The following SORBS2 variants were observed in gnomAD, a reference collection of about 807,000 sequenced individuals.
The protein encoded by SORBS2 is sorbin and SH3 domain-containing protein 2.
In SORBS2, 46 loss-of-function variants were observed where a neutral mutation model predicts 97.7. That is an observed-to-expected ratio of 0.47 (90% CI 0.37 to 0.60). The LOEUF (loss-of-function observed/expected upper bound fraction) is 0.60, where lower values mean the gene tolerates loss of function less well. SORBS2 is among the 20% of genes least tolerant of loss of function. The pLI is 0.00. For synonymous variants in SORBS2, 476 were observed against 473.4 expected (o/e 1.01, Z -0.07); for missense variants, 1,316 against 1,282.3 (o/e 1.03, Z -0.40).
intron 1 of SORBS2, among the ~76,000 whole-genome samples, chr4:185,860,724 G>A (rs1347574044): frequency 6.6e-6 from 1 of 152,166 alleles, no homozygotes; most frequent in Admixed American, 6.5e-5. Context: ...GGAAAGGTGG[G>A]ACAACTCGAA....
chr4:185,876,371 G>A (rs1004665657), intron 1 of SORBS2, among the ~76,000 whole-genome samples: 3 of 152,112 alleles, frequency 2.0e-5, no homozygotes, highest in Non-Finnish European at 4.4e-5. Flanking sequence ...GTCTCCCAAA[G>A]TGCTGGGATT....
chr4:185,684,814 T>C lies in SORBS2; in HGVS notation c.-197-5992A>G. The stretch of plus-strand genomic sequence containing the variant: ...TTCACAGATGTTAGCGTAACAGACA[T>C]GGCGGCACGTTTGCGAGCACACCCA... On this transcript the variant is annotated intron_variant, in intron 2 of 20. Coordinates refer to the SORBS2 transcript ENST00000284776. The surrounding 1 kb of genome is among the most constrained non-coding windows in gnomAD (Gnocchi z 4.2). The C allele has an allele frequency of 6.4e-7, 1 of 1,551,958 alleles. No homozygotes were observed. Among genetic ancestry groups the C allele is most frequent in the Non-Finnish European group, 8.7e-7 (1 of 1,147,056 alleles).
In SORBS2 at chr4:185,623,310, G is replaced by T; in HGVS notation, c.1819C>A (p.Pro607Thr). The change falls in exon 7 of 15, where the codon CCT becomes ACT. Residue 607 changes from proline (P) to threonine (T), a missense_variant. Transcript: ENST00000418609. The surrounding 1 kb of genome is among the most constrained non-coding windows in gnomAD (Gnocchi z 6.4). The stretch of plus-strand genomic sequence containing the variant: ...TTTTTTTTCCTCCGGAAAGGCACAG[G>T]ACTGACTAGAAAAGCAAGTTTAGAA... The T allele has an allele frequency of 6.2e-7, 1 of 1,614,116 alleles. No homozygotes were observed. The highest frequency in any genetic ancestry group is 8.5e-7 in the Non-Finnish European group (1 of 1,180,034).
Position 185,626,847 on chromosome 4 carries a change from G to A in SORBS2, c.619C>T (p.Pro207Ser), listed in dbSNP as rs772158156. ...CTATGCTCACCTTTTGCTCTTGATG[G>A]GGAAGAAGGAGAAGAGCTAGTGAAA... is the stretch of plus-strand genomic sequence containing the variant. Residue 207 changes from proline (P) to serine (S), a missense_variant, in exon 6 of 15, where the codon CCA becomes TCA. Coordinates refer to ENST00000418609, the Ensembl canonical transcript of SORBS2. The A allele has an allele frequency of 1.4e-5, 23 of 1,614,046 alleles. No homozygotes were observed. The highest frequency in any genetic ancestry group is 1.9e-5 in the Non-Finnish European group (22 of 1,179,996).
At chr4:185,630,620 A>G (rs2153432725) in intron 4 of SORBS2, 22 bp from the exon 17 acceptor site, 5 of 1,548,234 alleles carry the variant, frequency 3.2e-6, no homozygotes, top group Non-Finnish European at 4.4e-6. Flanking sequence ...GGATAATAGT[A>G]CCATGAAAAA....
At chr4:185,842,405 A>T (rs2099212086) in intron 1 of SORBS2, among the ~76,000 whole-genome samples, 1 of 152,194 alleles carries the variant, frequency 6.6e-6, no homozygotes, top group African/African-American at 2.4e-5. Context: ...GAGTTAACTA[A>T]AAGTCAGAGC....
intron 1 of SORBS2, among the ~76,000 whole-genome samples, chr4:185,655,150 G>A (rs1380918432): frequency 6.6e-6 from 1 of 152,226 alleles, no homozygotes. Flanking sequence ...CAGGTCACAT[G>A]AGAGAGGGCA....
chr4:185,863,449 A>G (rs138904162), intron 1 of SORBS2, among the ~76,000 whole-genome samples: 312 of 152,354 alleles, frequency 2.0e-3, no homozygotes, highest in Middle Eastern at 6.8e-3. Flanking sequence ...ATATACTCAC[A>G]GCTTTAATTC....
At chr4:185,885,992 A>G (rs1421928244) in intron 1 of SORBS2, among the ~76,000 whole-genome samples, 1 of 152,216 alleles carries the variant, frequency 6.6e-6, no homozygotes, top group Non-Finnish European at 1.5e-5. Context: ...AGCATTAGAC[A>G]TGTCTCTTGT....
In SORBS2 at chr4:185,633,471, G is replaced by T. The variant is rs866955868; in HGVS notation, c.397-2873C>A. 4.7e-3 allele frequency among the ~76,000 whole-genome samples: 644 copies of T among 137,956 alleles called. 5 individuals carry two copies. The highest frequency in any genetic ancestry group is 0.016 in the African/African-American group (597 of 38,184). 90.5% of individuals were successfully genotyped at this position (137,956 alleles called of 152,430 possible). A position where few individuals can be genotyped will look rare whatever the true frequency, so the allele number is the denominator to read the frequency against. ...ACTGGCAAAGTGCTTTTTATGTGTT[G>T]TTTTTTTTTTTTTGCCACTACCATC... On this transcript the variant is annotated intron_variant, in intron 4 of 14. Coordinates refer to ENST00000418609, the Ensembl canonical transcript of SORBS2.
In SORBS2 at chr4:185,768,701, A is replaced by AAAAC. The variant is rs1553982985; in HGVS notation, c.-198+6525_-198+6526insGTTT. Among the ~76,000 whole-genome samples, 20 of 109,954 alleles carry AAAAC rather than the reference A, an allele frequency of 1.8e-4. 1 individual carries two copies. Among genetic ancestry groups the AAAAC allele is most frequent in the Non-Finnish European group, 3.0e-4 (16 of 52,990 alleles). 72.1% of individuals were successfully genotyped at this position (109,954 alleles called of 152,430 possible). ...GCAACAGAGTGAGACTCTGTCTCAA[A>AAAAC]AAAAAAAAAACAAAAAAACAAAAAA... On this transcript the variant is annotated intron_variant, in intron 2 of 20. Coordinates refer to the SORBS2 transcript ENST00000284776.
chr4:185,894,423 G>A (rs551465754), intron 1 of SORBS2: 5 of 152,164 alleles, frequency 3.3e-5, no homozygotes, highest in African/African-American at 1.2e-4. Context: ...TTTATTAGTA[G>A]TAATCATCAA....
At chr4:185,688,433 T>C (rs1224054408) in intron 2 of SORBS2, among the ~76,000 whole-genome samples, 1 of 152,122 alleles carries the variant, frequency 6.6e-6, no homozygotes, top group Non-Finnish European at 1.5e-5. Flanking sequence ...GTATTATTTA[T>C]CTATATAGAT....
intron 1 of SORBS2, among the ~76,000 whole-genome samples, chr4:185,843,871 T>C (rs74642728): frequency 0.051 from 7,805 of 152,274 alleles, 248 homozygotes; most frequent in African/African-American, 0.088. Context: ...GGAAATTTTA[T>C]TCTAAATTTG....
intron 4 of SORBS2, among the ~76,000 whole-genome samples, chr4:185,670,936 T>A (rs1308126813): frequency 1.3e-5 from 2 of 152,186 alleles, no homozygotes; most frequent in African/African-American, 2.4e-5. Context: ...CTCAGGTAGC[T>A]GTCGGGTACC....
At position 185,757,681 on chromosome 4, in the gene SORBS2, T is replaced by C. The variant is rs73017804; in HGVS notation, c.-198+17546A>G. Among the ~76,000 whole-genome samples, 1,218 of 152,314 alleles carry C rather than the reference T, an allele frequency of 8.0e-3. 19 individuals are homozygous for C. The highest frequency in any genetic ancestry group is 0.028 in the African/African-American group (1,145 of 41,568). Reference sequence around the variant, plus strand: ...GACATAAGAAGACATGGAGGCATGATGGTCTAGCAGAGAGAAGCCTAGGTG... The same window carrying C: ...GACATAAGAAGACATGGAGGCATGACGGTCTAGCAGAGAGAAGCCTAGGTG... On this transcript the variant is annotated intron_variant, in intron 2 of 20. Transcript: ENST00000284776.
chr4:185,633,569 A>C (rs188123703), intron 4 of SORBS2, among the ~76,000 whole-genome samples: 3 of 152,098 alleles, frequency 2.0e-5, no homozygotes, highest in African/African-American at 4.8e-5. Flanking sequence ...ATTAATTAAC[A>C]GAACTCTTTT....
rs2099021665 is a variant in SORBS2 at position 185,780,245 on chromosome 4, C to G, written c.-337-4879G>C. ...GGTCAGGCTGGTCTCAAGCTCCTGACCTCAGGTGATCCACGCACCTCAGCC... is the reference window on the plus strand; with the variant it reads ...GGTCAGGCTGGTCTCAAGCTCCTGAGCTCAGGTGATCCACGCACCTCAGCC... On this transcript the variant is annotated intron_variant, in intron 1 of 20. Coordinates refer to the SORBS2 transcript ENST00000284776. 5.9e-5 allele frequency among the ~76,000 whole-genome samples: 9 copies of G among 152,000 alleles called. 1 individual carries two copies. In the South Asian group the frequency reaches 1.9e-3, roughly 32 times the overall value.
At chr4:185,699,964 G>A (rs189602492) in intron 2 of SORBS2, among the ~76,000 whole-genome samples, 54 of 152,312 alleles carry the variant, frequency 3.5e-4, no homozygotes, top group Admixed American at 1.4e-3. Context: ...TCAATTTGAG[G>A]AGTACCCTGT....
Sources: gnomAD v4.1 joint callset for allele counts (sites outside exome capture counted in the v4.1 genomes callset) on GRCh38, gnomAD v4.1.1 for gene constraint, Gnocchi (gnomAD v3.1) non-coding constraint, MANE v1.5 for transcripts, NCBI Gene and HGNC (gene_info 2026-07-23, HGNC 2026-07-21) for gene names.